IFI16: variants seen among roughly 807,000 people sequenced by gnomAD.
IFI16 encodes interferon gamma inducible protein 16.
IFI16 carries 49 observed loss-of-function variants against 68.4 expected under a neutral mutation model. That is an observed-to-expected ratio of 0.72 (90% CI 0.57 to 0.91). IFI16 has a LOEUF of 0.91. Among genes scored for constraint, IFI16 ranks in the 40% least tolerant of loss-of-function variants. IFI16 has a pLI of 0.00. For synonymous variants in IFI16, 307 were observed against 315.0 expected (o/e 0.97, Z 0.27); for missense variants, 878 against 942.9 (o/e 0.93, Z 0.90).
chr1:159,016,620 G>A lies in IFI16; in HGVS notation c.469G>A (p.Ala157Thr), dbSNP rs777792269. The A allele has an allele frequency of 1.2e-6, 2 of 1,614,130 alleles. No homozygotes were observed. Among genetic ancestry groups the A allele is most frequent in the South Asian group, 2.2e-5 (2 of 91,084 alleles). Residue 157 changes from alanine (A) to threonine (T), a missense_variant, in exon 4 of 12, where the codon GCC becomes ACC. Transcript: ENST00000295809. ...EQTQPPSPAG[A>T]GMSTAMGRSP... ...GACTCAGCCTCCCTCTCCTGCAGGA[G>A]CCGGCATGTCCACAGCCATGGGCCG...
chr1:159,034,390 A>G (rs1456620009), intron 7 of IFI16, among the ~76,000 whole-genome samples: 1 of 152,172 alleles, frequency 6.6e-6, no homozygotes, highest in Non-Finnish European at 1.5e-5. Context: ...CAAGAGGATT[A>G]CTGTCTTTTG....
At chr1:159,015,432 T>C (rs1652859528) in intron 2 of IFI16, among the ~76,000 whole-genome samples, 1 of 152,212 alleles carries the variant, frequency 6.6e-6, no homozygotes, top group Non-Finnish European at 1.5e-5. Context: ...TGAAAAAGTC[T>C]AAGTCCAAAA....
chr1:159,005,725 A>T (rs1381415154), upstream of IFI16, among the ~76,000 whole-genome samples: 24 of 152,176 alleles, frequency 1.6e-4, no homozygotes, highest in Admixed American at 1.6e-3. Context: ...GCTTAAATTG[A>T]ATTGTAGGAG....
At chr1:159,042,527 T>G (rs920360758) in intron 7 of IFI16, among the ~76,000 whole-genome samples, 4 of 152,170 alleles carry the variant, frequency 2.6e-5, no homozygotes, top group Non-Finnish European at 5.9e-5. Flanking sequence ...CTTCTTTTGA[T>G]GTCAATTTTT....
chr1:159,044,087 C>A (rs1239087562), intron 7 of IFI16, among the ~76,000 whole-genome samples: 4 of 152,078 alleles, frequency 2.6e-5, no homozygotes, highest in African/African-American at 9.7e-5. Context: ...ATTTATTGAG[C>A]ATTTACTGAG....
At chr1:159,044,751 T>C (rs557659692) in intron 7 of IFI16, among the ~76,000 whole-genome samples, 2 of 152,172 alleles carry the variant, frequency 1.3e-5, no homozygotes, top group Non-Finnish European at 2.9e-5. Context: ...CTCTGAAAGA[T>C]TCTGATTGCC....
At chr1:159,001,242 C>T (rs1652047125), upstream of IFI16, among the ~76,000 whole-genome samples, 1 of 152,056 alleles carries the variant, frequency 6.6e-6, no homozygotes, top group South Asian at 2.1e-4. Context: ...TGAACAGGTG[C>T]TCAAAATTAC....
intron 2 of IFI16, among the ~76,000 whole-genome samples, chr1:159,015,166 T>C (rs1652843564): frequency 6.6e-6 from 1 of 152,158 alleles, no homozygotes; most frequent in Non-Finnish European, 1.5e-5. Flanking sequence ...TTGGGATCAG[T>C]GAAAGAACAA....
intron 7 of IFI16, among the ~76,000 whole-genome samples, chr1:159,042,119 T>C (rs925499249): frequency 2.0e-5 from 3 of 152,158 alleles, no homozygotes; most frequent in Non-Finnish European, 2.9e-5. Flanking sequence ...CCCTCTGGTG[T>C]CCAGCCAGCC....
At chr1:159,003,181 G>C (rs982521412), upstream of IFI16, among the ~76,000 whole-genome samples, 1 of 152,196 alleles carries the variant, frequency 6.6e-6, no homozygotes, top group Non-Finnish European at 1.5e-5. Flanking sequence ...TAAGAAGGAA[G>C]TAAAACATGG....
In IFI16 at chr1:159,042,500, C is replaced by T. The variant is rs1182843623; in HGVS notation, c.1330-2797C>T. 2.0e-5 allele frequency among the ~76,000 whole-genome samples: 3 copies of T among 152,318 alleles called. No homozygotes were observed. In the South Asian group the frequency reaches 6.2e-4, roughly 32 times the overall value. ...GTTTCCGTATCCATGCTCTTAACCA[C>T]ATCGGGGGTTTGGATACTTCTTTTG... On this transcript the variant is annotated intron_variant, in intron 7 of 11. Transcript: ENST00000295809.
upstream of IFI16, among the ~76,000 whole-genome samples, chr1:159,008,082 G>T (rs1281593291): frequency 1.3e-5 from 2 of 152,150 alleles, no homozygotes; most frequent in Non-Finnish European, 2.9e-5. Flanking sequence ...TTTGGTATAT[G>T]TGGAACAGTA....
chr1:159,021,736 C>T (rs1233689318), intron 6 of IFI16, among the ~76,000 whole-genome samples: 2 of 152,206 alleles, frequency 1.3e-5, no homozygotes, highest in East Asian at 1.9e-4. Context: ...TAGAAGTGTT[C>T]CTTTTCACCA....
intron 6 of IFI16, among the ~76,000 whole-genome samples, chr1:159,024,952 CAG>C (rs1653559146): frequency 6.6e-6 from 1 of 151,702 alleles, no homozygotes; most frequent in South Asian, 2.1e-4. Context: ...ACGGCGGTCT[CAG>C]TGGTTAATAC....
In IFI16 at chr1:159,032,641, C is replaced by T. The variant is rs756092761; in HGVS notation, c.1279C>T (p.Arg427Trp). 24 of 1,611,944 alleles carry T rather than the reference C, an allele frequency of 1.5e-5. No homozygotes were observed. Among genetic ancestry groups the T allele is most frequent in the Middle Eastern group, 1.6e-4 (1 of 6,080 alleles). ...CACAACCTTCCCTGAGAGCCATCTT[C>T]GGACTCCTCAGATGCCACCAACAAC... ...ASTTFPESHL[R>W]TPQMPPTTPS... Residue 427 changes from arginine (R) to tryptophan (W), a missense_variant, in exon 7 of 12, where the codon CGG becomes TGG. By Grantham distance (101) the Arg-to-Trp change is moderately radical (BLOSUM62 -3). Around this residue, in one of 4 missense-constraint regions of IFI16, gnomAD observed 443 missense variants for 421.8 expected, o/e 1.05. Coordinates refer to ENST00000295809, the MANE Select transcript of IFI16 (RefSeq NM_001376587.1).
At position 159,041,319 on chromosome 1, in the gene IFI16, A is replaced by T. The variant is rs116116841; in HGVS notation, c.1330-3978A>T. Among the ~76,000 whole-genome samples the T allele has an allele frequency of 7.1e-3, 1,084 of 152,282 alleles. 13 individuals carry two copies. The highest frequency in any genetic ancestry group is 0.025 in the African/African-American group (1,030 of 41,530). ...GGGAATTCCCCAGGTGGAACGTGGA[A>T]CCCCTGTGATTACGATTGAGAATCT... On this transcript the variant is annotated intron_variant, in intron 7 of 11. Coordinates refer to ENST00000295809, the MANE Select transcript of IFI16 (RefSeq NM_001376587.1).
intron 2 of IFI16, 61 bp from the exon 3 acceptor site, chr1:159,015,811 G>A (rs1283201516): frequency 2.4e-6 from 3 of 1,231,834 alleles, no homozygotes; most frequent in African/African-American, 3.0e-5. Context: ...AGCTGTCGGA[G>A]ATCGTTTATA....
intron 6 of IFI16, among the ~76,000 whole-genome samples, chr1:159,031,415 T>C (rs1653991837): frequency 6.6e-6 from 1 of 152,216 alleles, no homozygotes; most frequent in East Asian, 1.9e-4. Flanking sequence ...CTCCCTGTGG[T>C]ATTTCCCCAA....
upstream of IFI16, among the ~76,000 whole-genome samples, chr1:159,007,356 G>A (rs1008332394): frequency 2.6e-5 from 4 of 152,112 alleles, no homozygotes; most frequent in Non-Finnish European, 5.9e-5. Context: ...AAATAATGAA[G>A]AAAATGACAT....
Sources: allele counts gnomAD v4.1 joint callset (sites outside exome capture counted in the v4.1 genomes callset), GRCh38; gene constraint gnomAD v4.1.1; regional missense constraint gnomAD v4.1.1; transcripts MANE v1.5; gene names NCBI Gene and HGNC (gene_info 2026-07-23, HGNC 2026-07-21).